The following WDR64 variants were observed in gnomAD, a reference collection of about 807,000 sequenced individuals.
WDR64 encodes the protein WD repeat-containing protein 64.
Under a neutral mutation model 139.3 loss-of-function variants are expected in WDR64, and 112 were observed. The observed-to-expected ratio is 0.80, with a 90% CI of 0.69 to 0.94. The LOEUF (loss-of-function observed/expected upper bound fraction) is 0.94, where lower values mean the gene tolerates loss of function less well. WDR64 is among the 40% of genes least tolerant of loss of function. WDR64 has a pLI of 0.00. For missense variants in WDR64, 1,206 were observed against 1,293.1 expected (o/e 0.93, Z 1.03); for synonymous variants, 444 against 437.7 (o/e 1.01, Z -0.18).
At chr1:241,678,911 G>T (rs546786286) in intron 5 of WDR64, among the ~76,000 whole-genome samples, 2 of 142,986 alleles carry the variant, frequency 1.4e-5, no homozygotes, top group East Asian at 4.2e-4. Flanking sequence ...TTTCTAACAG[G>T]TTTTACAGAA....
rs1232673923 is a variant in WDR64 at position 241,770,700 on chromosome 1, A to T, written c.2253+10A>T. Reference sequence around the variant, plus strand: ...TCCACAGAGCAGTAAGGTAAGCAAGACACAGACAGGGTCTGTCTTCCTGTC... The same window carrying T: ...TCCACAGAGCAGTAAGGTAAGCAAGTCACAGACAGGGTCTGTCTTCCTGTC... On this transcript the variant is annotated intron_variant, in intron 18 of 27. Coordinates refer to ENST00000437684, the MANE Select transcript of WDR64 (RefSeq NM_001367482.1). 6.5e-7 allele frequency: 1 copy of T among 1,548,218 alleles called. No individual in the cohort carries two copies. The highest frequency in any genetic ancestry group is 2.4e-5 in the East Asian group (1 of 40,880).
At chr1:241,674,519 T>C (rs922389308) in intron 3 of WDR64, 125 bp from the exon 4 acceptor site, 1 of 576,106 alleles carries the variant, frequency 1.7e-6, no homozygotes, top group African/African-American at 1.9e-5. Context: ...CCTCTCAAAA[T>C]TCTGGGATTA....
intron 6 of WDR64, among the ~76,000 whole-genome samples, chr1:241,680,974 G>T (rs924925568): frequency 6.6e-6 from 1 of 152,072 alleles, no homozygotes; most frequent in Admixed American, 6.6e-5. Flanking sequence ...GTCACCTACA[G>T]ATTTAACTGG....
intron 17 of WDR64, among the ~76,000 whole-genome samples, 176 bp downstream of exon 17, chr1:241,769,681 C>T (rs1189599070): frequency 6.6e-6 from 1 of 152,224 alleles, no homozygotes; most frequent in Non-Finnish European, 1.5e-5. Context: ...TGACACGTGG[C>T]TTCCGCTTTC....
intron 21 of WDR64, 52 bp from the exon 22 acceptor site, chr1:241,779,951 AT>A (rs1456367232): frequency 2.1e-5 from 30 of 1,410,778 alleles, no homozygotes; most frequent in Non-Finnish European, 1.9e-5. Context: ...GATAGTATTG[AT>A]TTAGATAACA....
intron 25 of WDR64, 26 bp from the exon 26 acceptor site, chr1:241,795,181 T>C (rs1415477106): frequency 6.2e-7 from 1 of 1,607,650 alleles, no homozygotes; most frequent in South Asian, 1.1e-5. Context: ...CCCCTTTCAT[T>C]AAACATTCAT....
Position 241,696,472 on chromosome 1 carries a change from G to A in WDR64, c.974+8877G>A, listed in dbSNP as rs545462709. Reference sequence around the variant, plus strand: ...AAAAGAATGGCTACTCCATAAGCCAGGCAGTGACATGGGCTGCTTGACTGA... The same window carrying A: ...AAAAGAATGGCTACTCCATAAGCCAAGCAGTGACATGGGCTGCTTGACTGA... On this transcript the variant is annotated intron_variant, in intron 8 of 27. Coordinates refer to ENST00000437684, the MANE Select transcript of WDR64 (RefSeq NM_001367482.1). Among the ~76,000 whole-genome samples the A allele has an allele frequency of 1.5e-3, 233 of 152,284 alleles. 1 individual carries two copies. The highest frequency in any genetic ancestry group is 4.3e-3 in the African/African-American group (178 of 41,568).
At chr1:241,735,653 G>T (rs1669279162) in intron 10 of WDR64, among the ~76,000 whole-genome samples, 2 of 150,000 alleles carry the variant, frequency 1.3e-5, no homozygotes, top group South Asian at 4.2e-4. Context: ...TCCTGTCTCA[G>T]CCTCCTGAGT....
chr1:241,777,604 G>A (rs1349624486), intron 21 of WDR64, among the ~76,000 whole-genome samples: 1 of 151,768 alleles, frequency 6.6e-6, no homozygotes, highest in Non-Finnish European at 1.5e-5. Flanking sequence ...TTTTACTAGA[G>A]GCAGGGTTTC....
intron 1 of WDR64, among the ~76,000 whole-genome samples, chr1:241,655,566 C>T (rs997861299): frequency 6.6e-6 from 1 of 152,184 alleles, no homozygotes; most frequent in South Asian, 2.1e-4. Flanking sequence ...CTCAGCCCAG[C>T]TTTTCAGTCT....
chr1:241,695,637 G>A (rs1667453415), intron 8 of WDR64, among the ~76,000 whole-genome samples: 1 of 152,022 alleles, frequency 6.6e-6, no homozygotes, highest in African/African-American at 2.4e-5. Context: ...CTTACTTAGA[G>A]GACTATAAAA....
At chr1:241,725,002 TA>T (rs1325725618) in intron 10 of WDR64, among the ~76,000 whole-genome samples, 1 of 152,010 alleles carries the variant, frequency 6.6e-6, no homozygotes, top group Non-Finnish European at 1.5e-5. Context: ...TGCCTCCCTA[TA>T]CTCATAAACA....
At chr1:241,691,161 CTT>C (rs1377099136) in intron 8 of WDR64, among the ~76,000 whole-genome samples, 5 of 152,022 alleles carry the variant, frequency 3.3e-5, no homozygotes, top group African/African-American at 9.6e-5. Flanking sequence ...AAATGTGTAA[CTT>C]ATATTCTAAG....
intron 8 of WDR64, among the ~76,000 whole-genome samples, chr1:241,707,940 CAGT>C (rs200861714): frequency 0.013 from 1,977 of 152,344 alleles, 36 homozygotes; most frequent in African/African-American, 0.044. Context: ...CTCACGTCCA[CAGT>C]ATATTCTAAG....
rs1665402649 is a variant in WDR64 at position 241,652,586 on chromosome 1, C to G, written c.102C>G (p.Ala34=). ...AAAAATTGGTTGAACAAACAGCAGC[C>G]CAGAAAAGAGATGAAAGAGCAGGCT... ...RFEKLVEQTA[A]QKRDERAGLF... The change falls in exon 1 of 28, where the codon GCC becomes GCG. Residue 34 remains alanine (A), a synonymous_variant. Coordinates refer to ENST00000437684, the MANE Select transcript of WDR64 (RefSeq NM_001367482.1). 1 of 1,551,718 alleles carries G rather than the reference C, an allele frequency of 6.4e-7. No individual in the cohort carries two copies. The highest frequency in any genetic ancestry group is 8.7e-7 in the Non-Finnish European group (1 of 1,147,004).
chr1:241,726,839 T>C (rs1365802356), intron 10 of WDR64, among the ~76,000 whole-genome samples: 1 of 152,176 alleles, frequency 6.6e-6, no homozygotes, highest in Non-Finnish European at 1.5e-5. Flanking sequence ...TTCTTTTGTT[T>C]TCTCTTTGTT....
intron 17 of WDR64, 82 bp downstream of exon 17, chr1:241,769,587 G>T (rs1189247654): frequency 2.4e-6 from 3 of 1,233,916 alleles, no homozygotes; most frequent in Non-Finnish European, 3.4e-6. Flanking sequence ...ATTAATTGTG[G>T]TTTTTGCCAT....
chr1:241,769,755 C>T lies in WDR64; in HGVS notation c.2183+250C>T, dbSNP rs547182284. ...GGGATTTAAAGTGCTGTGTGGTCCC[C>T]TCACCATGTCAGCCTCACAGCACCC... On this transcript the variant is annotated intron_variant, in intron 17 of 27. Coordinates refer to ENST00000437684, the MANE Select transcript of WDR64 (RefSeq NM_001367482.1). 6.6e-4 allele frequency among the ~76,000 whole-genome samples: 100 copies of T among 152,286 alleles called. 3 individuals carry two copies. The South Asian group carries it at 0.02, about 30-fold the overall frequency.
At chr1:241,672,500 A>T (rs1412552645) in intron 3 of WDR64, among the ~76,000 whole-genome samples, 2 of 152,208 alleles carry the variant, frequency 1.3e-5, no homozygotes, top group Non-Finnish European at 2.9e-5. Flanking sequence ...GCTAAAGTCT[A>T]CTATGTAGGC....
Sources: allele counts gnomAD v4.1 joint callset (sites outside exome capture counted in the v4.1 genomes callset), GRCh38; gene constraint gnomAD v4.1.1; transcripts MANE v1.5; gene names NCBI Gene and HGNC (gene_info 2026-07-23, HGNC 2026-07-21).